DPP6: variants seen among roughly 807,000 people sequenced by gnomAD.
DPP6 encodes the protein A-type potassium channel modulatory protein DPP6.
Under a neutral mutation model 122.6 loss-of-function variants are expected in DPP6, and 69 were observed. The observed-to-expected ratio is 0.56, with a 90% confidence interval of 0.46 to 0.69. The LOEUF (loss-of-function observed/expected upper bound fraction) is 0.69, where lower values mean the gene tolerates loss of function less well. Ranked by LOEUF, DPP6 falls within the 30% of genes least tolerant of loss-of-function variation. The pLI, the probability that DPP6 is intolerant of heterozygous loss-of-function variation, is 0.00. For synonymous variants in DPP6, 418 were observed against 433.1 expected, an observed-to-expected ratio of 0.97 and a Z score of 0.43; for missense variants, 928 against 1,116.9, an observed-to-expected ratio of 0.83 and a Z score of 2.41.
chr7:154,889,967 C>T (rs575334716), intron 25 of DPP6: 45 of 176,784 alleles, frequency 2.5e-4, no homozygotes, highest in Admixed American at 7.3e-4. Context: ...CATGTTACTA[C>T]GCACTAGCAG....
At chr7:154,656,671 G>GGGT (rs1837273138) in intron 6 of DPP6, among the ~76,000 whole-genome samples, 1 of 152,202 alleles carries the variant, frequency 6.6e-6, no homozygotes, top group South Asian at 2.1e-4. Context: ...AGACCGGTAG[G>GGGT]CGTTGGGCTG....
At chr7:154,802,378 G>A (rs1187011943) in intron 13 of DPP6, among the ~76,000 whole-genome samples, 3 of 86,926 alleles carry the variant, frequency 3.5e-5, no homozygotes, top group East Asian at 4.8e-4. Context: ...ATGGAATCGG[G>A]GTGGGGGCTG....
intron 2 of DPP6, among the ~76,000 whole-genome samples, chr7:154,463,314 TCTC>T (rs1266126805): frequency 1.3e-5 from 2 of 148,362 alleles, no homozygotes; most frequent in Middle Eastern, 7.0e-3. Flanking sequence ...TTCACGCCAT[TCTC>T]CTGCCTCAGC....
chr7:153,783,175 TTA>T, the DPP6 span, among the ~76,000 whole-genome samples: 3 of 152,190 alleles, frequency 2.0e-5, no homozygotes, highest in Non-Finnish European at 4.4e-5. Context: ...ATAGTGTGTA[TTA>T]GTCTGTTCTC....
the DPP6 span, among the ~76,000 whole-genome samples, chr7:153,850,081 T>A: frequency 6.6e-6 from 1 of 152,230 alleles, no homozygotes. Context: ...TGTTGCCGTA[T>A]AATAATATTG....
the DPP6 span, among the ~76,000 whole-genome samples, chr7:153,766,545 T>C: frequency 3.3e-5 from 5 of 152,208 alleles, no homozygotes; most frequent in Middle Eastern, 3.2e-3. Context: ...TGTTTATTAA[T>C]GATGATGCTG....
At chr7:153,809,235 T>C in the DPP6 span, among the ~76,000 whole-genome samples, 1 of 152,082 alleles carries the variant, frequency 6.6e-6, no homozygotes, top group Non-Finnish European at 1.5e-5. Flanking sequence ...CCTATTGTTT[T>C]ACTTGGGTTA....
intron 1 of DPP6, among the ~76,000 whole-genome samples, chr7:154,182,327 C>CTCCAAGAAGAAGG (rs1798132769): frequency 6.6e-6 from 1 of 151,946 alleles, no homozygotes; most frequent in Non-Finnish European, 1.5e-5. Context: ...CAAGAAGAAG[C>CTCCAAGAAGAAGG]GTTTATTTCT....
chr7:153,935,465 G>A (rs890599913), intron 1 of DPP6, among the ~76,000 whole-genome samples: 6 of 152,106 alleles, frequency 3.9e-5, no homozygotes, highest in African/African-American at 1.2e-4. Flanking sequence ...CTAACCTGCC[G>A]CACAGAGTGG....
intron 1 of DPP6, among the ~76,000 whole-genome samples, chr7:154,062,297 C>A (rs1220349061): frequency 1.3e-5 from 1 of 79,960 alleles, no homozygotes; most frequent in Admixed American, 1.3e-4. Flanking sequence ...CCTCTTCCCC[C>A]CCGGCTCTGA....
At chr7:154,366,898 A>T (rs1812237464) in intron 1 of DPP6, among the ~76,000 whole-genome samples, 1 of 152,222 alleles carries the variant, frequency 6.6e-6, no homozygotes, top group African/African-American at 2.4e-5. Flanking sequence ...TAATAGAGGC[A>T]TGCAATATGA....
chr7:154,045,564 T>C (rs1272624130), intron 1 of DPP6, among the ~76,000 whole-genome samples: 1 of 152,204 alleles, frequency 6.6e-6, no homozygotes, highest in Non-Finnish European at 1.5e-5. Flanking sequence ...CAGAAACAAC[T>C]CTTTGAAAGC....
chr7:154,448,848 G>T (rs1586303338), intron 2 of DPP6, among the ~76,000 whole-genome samples: 1 of 152,242 alleles, frequency 6.6e-6, no homozygotes, highest in East Asian at 1.9e-4. Context: ...AATGGTGGTG[G>T]TACAACTAGA....
the DPP6 span, among the ~76,000 whole-genome samples, chr7:153,835,841 C>T: frequency 6.6e-6 from 1 of 152,188 alleles, no homozygotes. Flanking sequence ...AAAAACTGCA[C>T]TTCCAGTTCA....
intron 20 of DPP6, chr7:154,876,423 T>A: frequency 3.8e-6 from 1 of 259,768 alleles, no homozygotes; most frequent in Non-Finnish European, 7.2e-6. Context: ...CACGCATGTC[T>A]TTGCCATTTA....
intron 7 of DPP6, among the ~76,000 whole-genome samples, chr7:154,702,200 A>G (rs1840569486): frequency 6.6e-6 from 1 of 152,240 alleles, no homozygotes; most frequent in South Asian, 2.1e-4. Flanking sequence ...TGCTCCACAA[A>G]CAGGCCATTT....
At chr7:154,509,269 C>T (rs1825880485) in intron 3 of DPP6, among the ~76,000 whole-genome samples, 1 of 152,090 alleles carries the variant, frequency 6.6e-6, no homozygotes, top group Non-Finnish European at 1.5e-5. Flanking sequence ...TATAAGAATG[C>T]TTAAACCCAA....
chr7:154,324,952 C>T (rs1808314663), intron 1 of DPP6, among the ~76,000 whole-genome samples: 1 of 149,192 alleles, frequency 6.7e-6, no homozygotes, highest in African/African-American at 2.5e-5. Flanking sequence ...CCTCTGCCTC[C>T]TGGGTTGAAG....
the DPP6 span, among the ~76,000 whole-genome samples, chr7:153,855,568 C>T: frequency 3.9e-5 from 6 of 152,124 alleles, no homozygotes; most frequent in African/African-American, 1.4e-4. Context: ...CACATGTGGT[C>T]ATGAAGGCTT....
Sources: gnomAD v4.1 joint callset for allele counts (sites outside exome capture counted in the v4.1 genomes callset) on GRCh38, gnomAD v4.1.1 for gene constraint, MANE v1.5 for transcripts, NCBI Gene and HGNC (gene_info 2026-07-23, HGNC 2026-07-21) for gene names.